CAMTA1: variants seen among roughly 807,000 people sequenced by gnomAD.
CAMTA1 encodes calmodulin binding transcription activator 1.
CAMTA1 carries 27 observed loss-of-function variants against 170.9 expected under a neutral mutation model. The ratio of observed to expected loss-of-function variants is 0.16; its 90% CI spans 0.12 to 0.22. The LOEUF is 0.22. Ranked by LOEUF, CAMTA1 falls within the 10% of genes least tolerant of loss-of-function variation. The probability of loss-of-function intolerance (pLI) is 1.00; values close to 1 mark genes in which losing one functional copy is unlikely to be tolerated. For synonymous variants in CAMTA1, 833 were observed against 891.5 expected (o/e 0.93, Z 1.17); for missense variants, 1,619 against 2,217.2 (o/e 0.73, Z 5.42).
intron 5 of CAMTA1, among the ~76,000 whole-genome samples, chr1:7,290,567 G>T (rs1189458818): frequency 6.6e-6 from 1 of 151,996 alleles, no homozygotes; most frequent in Non-Finnish European, 1.5e-5. Flanking sequence ...ATTATGTGTT[G>T]CAACCACCCC....
intron 3 of CAMTA1, among the ~76,000 whole-genome samples, chr1:6,880,268 G>A (rs1489934412): frequency 6.6e-6 from 1 of 150,420 alleles, no homozygotes; most frequent in East Asian, 2.0e-4. Context: ...TATAGACAGG[G>A]TTTCACTATG....
At chr1:6,990,026 T>C (rs1696092485) in intron 3 of CAMTA1, among the ~76,000 whole-genome samples, 1 of 152,112 alleles carries the variant, frequency 6.6e-6, no homozygotes, top group Non-Finnish European at 1.5e-5. Context: ...CCTGGAAAGC[T>C]CACCCAAGCC....
At chr1:7,448,223 G>T (rs1463631871) in intron 5 of CAMTA1, among the ~76,000 whole-genome samples, 1 of 152,208 alleles carries the variant, frequency 6.6e-6, no homozygotes. Context: ...CTGGCAGCAG[G>T]CATGGACATG....
At chr1:7,441,933 G>A (rs968893951) in intron 5 of CAMTA1, among the ~76,000 whole-genome samples, 1 of 152,188 alleles carries the variant, frequency 6.6e-6, no homozygotes, top group African/African-American at 2.4e-5. Flanking sequence ...GAATCAAGGT[G>A]CAAAGGAGGC....
intron 4 of CAMTA1, among the ~76,000 whole-genome samples, chr1:7,132,396 T>G (rs1645313674): frequency 1.3e-5 from 2 of 152,150 alleles, no homozygotes; most frequent in Admixed American, 1.3e-4. Context: ...CACTTCAGCC[T>G]CCTGGGTAGC....
chr1:7,417,072 C>T (rs1022530502), intron 5 of CAMTA1, among the ~76,000 whole-genome samples: 35 of 152,310 alleles, frequency 2.3e-4, no homozygotes, highest in African/African-American at 6.7e-4. Context: ...TGCAGAACAG[C>T]GGTGGCTGTA....
At chr1:7,764,872 A>G (rs2097006151) in intron 22 of CAMTA1, among the ~76,000 whole-genome samples, 1 of 152,094 alleles carries the variant, frequency 6.6e-6, no homozygotes, top group Admixed American at 6.6e-5. Flanking sequence ...AGGCAGGAGA[A>G]TCACTTGAAC....
chr1:6,978,728 TAA>T (rs1472960963), intron 3 of CAMTA1, among the ~76,000 whole-genome samples: 1 of 151,790 alleles, frequency 6.6e-6, no homozygotes, highest in Non-Finnish European at 1.5e-5. Flanking sequence ...AATTAAAAAT[TAA>T]AGTCAGTAAT....
Position 6,893,695 on chromosome 1 carries a change from C to T in CAMTA1, c.234+68485C>T, listed in dbSNP as rs1176068559. On this transcript the variant is annotated intron_variant, in intron 3 of 22. Coordinates refer to ENST00000303635, the MANE Select transcript of CAMTA1 (RefSeq NM_015215.4). The stretch of plus-strand genomic sequence containing the variant: ...TAGGTGTGGTTCTTGGCTCTGTTGG[C>T]TGGTGGGTTTAGCTGTGGATCACTT... Among the ~76,000 whole-genome samples, 4 of 152,232 alleles carry T rather than the reference C, an allele frequency of 2.6e-5. No homozygotes were observed. The East Asian group carries it at 5.8e-4, about 22-fold the overall frequency.
intron 3 of CAMTA1, among the ~76,000 whole-genome samples, chr1:6,847,061 T>A (rs1658461626): frequency 6.6e-6 from 1 of 151,522 alleles, no homozygotes; most frequent in Non-Finnish European, 1.5e-5. Context: ...TGGAGTGCAG[T>A]GGCGCCATCT....
chr1:7,693,076 TCA>T (rs1045377872), intron 11 of CAMTA1: 17 of 152,280 alleles, frequency 1.1e-4, no homozygotes, highest in African/African-American at 3.4e-4. Context: ...TGTTAATGTA[TCA>T]GTCTGTTTTC....
chr1:6,813,942 C>T (rs748061807), intron 1 of CAMTA1, among the ~76,000 whole-genome samples: 22 of 152,084 alleles, frequency 1.4e-4, no homozygotes, highest in African/African-American at 4.3e-4. Flanking sequence ...GGACGAGAGA[C>T]GGGACCATTT....
intron 5 of CAMTA1, among the ~76,000 whole-genome samples, chr1:7,416,333 T>C (rs1480301706): frequency 6.6e-6 from 1 of 152,240 alleles, no homozygotes; most frequent in Non-Finnish European, 1.5e-5. Context: ...GAAGTTCTCC[T>C]GGATAATATC....
rs544767965 is a variant in CAMTA1 at position 7,467,015 on chromosome 1, C to G, written c.439-815C>G. 2.0e-5 allele frequency among the ~76,000 whole-genome samples: 3 copies of G among 152,228 alleles called. No homozygotes were observed. In the South Asian group the frequency reaches 6.2e-4, roughly 32 times the overall value. On this transcript the variant is annotated intron_variant, in intron 5 of 22. Coordinates refer to ENST00000303635, the MANE Select transcript of CAMTA1 (RefSeq NM_015215.4). ...CGGTGCCCAGCTCTACACACGCAGG[C>G]AGCACCAGAGAATCAGAGCAGGGCG...
intron 6 of CAMTA1, among the ~76,000 whole-genome samples, chr1:7,548,930 A>G (rs12745467): frequency 0.048 from 2,576 of 53,776 alleles, 224 homozygotes; most frequent in East Asian, 0.12. Context: ...TAGGAGTGGA[A>G]GTGCTGGTGT....
chr1:7,576,418 G>A (rs994619680), intron 6 of CAMTA1, among the ~76,000 whole-genome samples: 3 of 152,190 alleles, frequency 2.0e-5, no homozygotes, highest in African/African-American at 7.2e-5. Flanking sequence ...GGGATTTGGA[G>A]CGTTGTTTAG....
intron 3 of CAMTA1, among the ~76,000 whole-genome samples, chr1:6,959,945 CA>C (rs1690093085): frequency 6.6e-6 from 1 of 152,166 alleles, no homozygotes; most frequent in Admixed American, 6.5e-5. Flanking sequence ...CACTCTTCAC[CA>C]GATCCTGCTC....
chr1:6,828,178 A>G (rs986149919), intron 3 of CAMTA1, among the ~76,000 whole-genome samples: 3 of 151,516 alleles, frequency 2.0e-5, no homozygotes, highest in Non-Finnish European at 2.9e-5. Context: ...TGACTCCTCT[A>G]TACTAATAAG....
At chr1:7,148,236 CCA>C (rs1264391051) in intron 4 of CAMTA1, among the ~76,000 whole-genome samples, 3 of 148,244 alleles carry the variant, frequency 2.0e-5, no homozygotes, top group East Asian at 4.1e-4. Context: ...CACACACACA[CCA>C]CACACTCACA....
Sources: allele counts gnomAD v4.1 joint callset (sites outside exome capture counted in the v4.1 genomes callset), GRCh38; gene constraint gnomAD v4.1.1; transcripts MANE v1.5; gene names NCBI Gene and HGNC (gene_info 2026-07-23, HGNC 2026-07-21).